The following CCDC110 variants were observed in gnomAD, a reference collection of about 807,000 sequenced individuals.
CCDC110 encodes the protein coiled-coil domain-containing protein 110.
In CCDC110, 70 loss-of-function variants were observed where a neutral mutation model predicts 77.1. The ratio of observed to expected loss-of-function variants is 0.91; its 90% CI spans 0.75 to 1.11. The LOEUF (loss-of-function observed/expected upper bound fraction) is 1.11, where lower values mean the gene tolerates loss of function less well. Among genes scored for constraint, CCDC110 ranks in the 50% least tolerant of loss-of-function variants. The pLI, the probability that CCDC110 is intolerant of heterozygous loss-of-function variation, is 0.00. For missense variants in CCDC110, 868 were observed against 942.9 expected (o/e 0.92, Z 1.04); for synonymous variants, 295 against 312.5 (o/e 0.94, Z 0.59).
At chr4:185,449,053 C>T (rs2095623469) in intron 6 of CCDC110, among the ~76,000 whole-genome samples, 3 of 152,090 alleles carry the variant, frequency 2.0e-5, no homozygotes, top group Admixed American at 6.6e-5. Context: ...CCTTTGGACA[C>T]CAGAATTTAA....
intron 2 of CCDC110, among the ~76,000 whole-genome samples, chr4:185,466,253 T>C (rs2095655763): frequency 2.6e-5 from 4 of 152,110 alleles, no homozygotes; most frequent in African/African-American, 7.2e-5. Context: ...CATGTGCCTG[T>C]AATCCCAGCT....
chr4:185,450,329 GTCTT>G (rs1378740624), intron 6 of CCDC110, among the ~76,000 whole-genome samples: 1 of 152,214 alleles, frequency 6.6e-6, no homozygotes, highest in Non-Finnish European at 1.5e-5. Flanking sequence ...GATGAAGTCA[GTCTT>G]TCGTGTCCTC....
intron 1 of CCDC110, 27 bp from the exon 2 acceptor site, chr4:185,471,076 C>T: frequency 8.5e-7 from 1 of 1,178,964 alleles, no homozygotes; most frequent in Non-Finnish European, 1.1e-6. Context: ...CGGGGCTGTT[C>T]TGTCGCGGGT....
chr4:185,462,909 C>T (rs2153322687), intron 3 of CCDC110, 85 bp downstream of exon 3: 4 of 1,185,996 alleles, frequency 3.4e-6, no homozygotes, highest in Non-Finnish European at 5.0e-6. Flanking sequence ...TGAGAGAACC[C>T]GTTTGCATTT....
chr4:185,453,023 A>C (rs2095631337), intron 6 of CCDC110, among the ~76,000 whole-genome samples: 1 of 152,166 alleles, frequency 6.6e-6, no homozygotes, highest in Admixed American at 6.5e-5. Context: ...ATTATTATGA[A>C]CACCAAATTT....
At chr4:185,470,021 G>A (rs1382594314) in intron 2 of CCDC110, among the ~76,000 whole-genome samples, 2 of 152,178 alleles carry the variant, frequency 1.3e-5, no homozygotes, top group African/African-American at 2.4e-5. Flanking sequence ...TCTGAGAGGC[G>A]TGTAGTCAGT....
In CCDC110 at chr4:185,458,479, A is replaced by G. The variant is rs771266959; in HGVS notation, c.2108T>C (p.Met703Thr). 1.9e-5 allele frequency: 30 copies of G among 1,602,670 alleles called. No homozygotes were observed. Among genetic ancestry groups the G allele is most frequent in the Non-Finnish European group, 2.5e-5 (29 of 1,176,830 alleles). The change falls in exon 6 of 7, where the codon ATG becomes ACG. Residue 703 changes from methionine (M) to threonine (T), a missense_variant. Physicochemically the swap from Met to Thr is moderately conservative, Grantham distance 81 (BLOSUM62 -1). Coordinates refer to ENST00000307588, the MANE Select transcript of CCDC110 (RefSeq NM_152775.4). The part of the protein sequence containing the change: ...SLSEIGKECE[M>T]LSKMVMETKT... ...GGTTTCCATTACCATTTTTGATAACATTTCACATTCCTTGCCAATTTCTGA... is the reference window on the plus strand; with the variant it reads ...GGTTTCCATTACCATTTTTGATAACGTTTCACATTCCTTGCCAATTTCTGA...
chr4:185,456,523 A>C (rs968517615), intron 6 of CCDC110, among the ~76,000 whole-genome samples: 21 of 152,182 alleles, frequency 1.4e-4, no homozygotes, highest in African/African-American at 5.1e-4. Flanking sequence ...AATAATAAAG[A>C]AAAAAGAATC....
rs762039245 is a variant in CCDC110, at chr4:185,471,655, C to G, written c.10+19G>C. On this transcript the variant is annotated intron_variant, in intron 1 of 6. Transcript: ENST00000307588. ...GTTCCCGCGGCTCCCCTAGGAGCCC[C>G]GCCCCGTCCAACTCTTACCCGGGCT... is the stretch of plus-strand genomic sequence containing the variant. The G allele has an allele frequency of 6.4e-7, 1 of 1,563,500 alleles. No individual in the cohort carries two copies. Among genetic ancestry groups the G allele is most frequent in the Non-Finnish European group, 8.6e-7 (1 of 1,158,928 alleles).
At chr4:185,452,120 C>A (rs541334141) in intron 6 of CCDC110, 3 of 862,638 alleles carry the variant, frequency 3.5e-6, no homozygotes, top group Non-Finnish European at 4.2e-6. Context: ...TGTTTTCTTA[C>A]AATTGTTGTC....
intron 6 of CCDC110, among the ~76,000 whole-genome samples, chr4:185,450,754 A>AAAT (rs773153736): frequency 1.0e-3 from 155 of 151,806 alleles, no homozygotes; most frequent in Admixed American, 1.8e-3. Flanking sequence ...AAAAAAAAAA[A>AAAT]AAAAATCTGC....
chr4:185,471,451 G>C (rs2095667536), intron 1 of CCDC110: 1 of 492,478 alleles, frequency 2.0e-6, no homozygotes, highest in African/African-American at 2.1e-5. Context: ...CGCGCTGGGC[G>C]GGCGGCGGCG....
At chr4:185,447,338 C>T (rs529280056) in intron 6 of CCDC110, among the ~76,000 whole-genome samples, 54 of 152,010 alleles carry the variant, frequency 3.6e-4, no homozygotes, top group East Asian at 1.4e-3. Context: ...CCCGCCACCA[C>T]GCCCGGCTAA....
In CCDC110 at chr4:185,468,919, C is replaced by A. The variant is rs2095660874; in HGVS notation, c.115+2026G>T. Among the ~76,000 whole-genome samples the A allele has an allele frequency of 6.6e-6, 1 of 152,198 alleles. No homozygotes were observed. The highest frequency in any genetic ancestry group is 2.4e-5 in the African/African-American group (1 of 41,442). On this transcript the variant is annotated intron_variant, in intron 2 of 6. Transcript: ENST00000307588. This position sits in a 1 kb window ranked among gnomAD's most constrained non-coding sequence, Gnocchi z 4.5. ...CTTGTTCACTGTTGGATCCCCAGCA[C>A]CTAGAACAGCACTTGAAACTTAGCA...
In CCDC110 at chr4:185,460,807, A is replaced by G. The variant is rs73012177; in HGVS notation, c.348+242T>C. On this transcript the variant is annotated intron_variant, in intron 5 of 6. Coordinates refer to ENST00000307588, the MANE Select transcript of CCDC110 (RefSeq NM_152775.4). The stretch of plus-strand genomic sequence containing the variant: ...GCCTTGCATTTGAATTTACTCGGGA[A>G]TCTTTCACGATCTGGACTAAGTCAA... 2,641 of 399,362 alleles carry G rather than the reference A, an allele frequency of 6.6e-3. 49 individuals are homozygous for G. The highest frequency in any genetic ancestry group is 0.042 in the African/African-American group (2,044 of 48,546). The allele number at this position is 399,362 out of a possible 1,614,324, so 24.7% of individuals were successfully genotyped here. A position where few individuals can be genotyped will look rare whatever the true frequency, so the allele number is the denominator to read the frequency against.
At chr4:185,451,514 A>G (rs746625314) in intron 6 of CCDC110, among the ~76,000 whole-genome samples, 20 of 152,220 alleles carry the variant, frequency 1.3e-4, no homozygotes, top group Admixed American at 3.9e-4. Flanking sequence ...CTTCATAACT[A>G]ACACTGTGCA....
At position 185,460,063 on chromosome 4, in the gene CCDC110, G is replaced by A; in HGVS notation, c.524C>T (p.Ser175Leu). 6.2e-7 allele frequency: 1 copy of A among 1,613,762 alleles called. No individual in the cohort carries two copies. The highest frequency in any genetic ancestry group is 8.5e-7 in the Non-Finnish European group (1 of 1,179,886). Residue 175 changes from serine to leucine, a missense_variant, in exon 6 of 7, where the codon TCA (serine) becomes TTA (leucine). Physicochemically the swap from Ser to Leu is moderately radical, Grantham distance 145. Coordinates refer to ENST00000307588, the MANE Select transcript of CCDC110 (RefSeq NM_152775.4). ...TATGTTTGAAGATAAATTGTCTGTT[G>A]AAGTTCTCAGAGTTAATGTGTCCTC... is the stretch of plus-strand genomic sequence containing the variant. ...HSEDTLTLRT[S>L]TDNLSSNIII...
chr4:185,454,639 G>T (rs2095633643), intron 6 of CCDC110, among the ~76,000 whole-genome samples: 1 of 151,972 alleles, frequency 6.6e-6, no homozygotes, highest in Admixed American at 6.5e-5. Flanking sequence ...ACTTGAACCT[G>T]GGAGGCGGAG....
Position 185,459,636 on chromosome 4 carries a change from TGCC to T in CCDC110, c.948_950del (p.Ala317del). 1 of 1,612,142 alleles carries T rather than the reference TGCC, an allele frequency of 6.2e-7. No homozygotes were observed. ...TGAAGGGGAGTAATTTCTTCACTAA[TGCC>T]TCTAATTCTGAAATTCTCTTTGATT... On this transcript the variant is annotated inframe_deletion, in exon 6 of 7. Transcript: ENST00000307588.
Sources: allele counts gnomAD v4.1 joint callset (sites outside exome capture counted in the v4.1 genomes callset), GRCh38; gene constraint gnomAD v4.1.1; non-coding constraint Gnocchi (gnomAD v3.1); transcripts MANE v1.5; gene names NCBI Gene and HGNC (gene_info 2026-07-23, HGNC 2026-07-21).